The following TRPC5 variants were observed in gnomAD, a reference collection of about 807,000 sequenced individuals.
TRPC5 encodes the protein short transient receptor potential channel 5.
In TRPC5, 9 loss-of-function variants were observed where a neutral mutation model predicts 56.5. That is an observed-to-expected ratio of 0.16 (90% confidence interval 0.10 to 0.28). The LOEUF (loss-of-function observed/expected upper bound fraction) is 0.28. Among genes scored for constraint, TRPC5 ranks in the 10% least tolerant of loss-of-function variants. The pLI is 1.00. For missense variants in TRPC5, 469 were observed against 748.9 expected (o/e 0.63, Z 4.36); for synonymous variants, 282 against 278.5 (o/e 1.01, Z -0.13).
chrX:111,966,331 T>A (rs1927574945), intron 1 of TRPC5, among the ~76,000 whole-genome samples: 1 of 111,784 alleles, frequency 8.9e-6, no homozygotes, highest in Non-Finnish European at 1.9e-5. Flanking sequence ...ATTGTGGCAA[T>A]AATCAATAGC....
intron 1 of TRPC5, among the ~76,000 whole-genome samples, chrX:111,960,675 G>A (rs896578893): frequency 1.8e-5 from 2 of 111,737 alleles, no homozygotes; most frequent in Non-Finnish European, 3.8e-5. Flanking sequence ...CATCAGAAAT[G>A]AGCCTGTCCC....
At chrX:111,825,146 C>CCTTCCTTT (rs1922158948) in intron 7 of TRPC5, among the ~76,000 whole-genome samples, 9 of 59,387 alleles carry the variant, frequency 1.5e-4, no homozygotes, top group South Asian at 1.1e-3. Context: ...TTCCTTCCTT[C>CCTTCCTTT]CTTTCTTTCT....
intron 7 of TRPC5, among the ~76,000 whole-genome samples, chrX:111,823,709 G>T (rs1219829220): frequency 9.0e-6 from 1 of 110,697 alleles, no homozygotes; most frequent in South Asian, 3.9e-4. Flanking sequence ...GAAATAAGTC[G>T]CTTTGTGTCC....
chrX:111,923,526 C>A (rs1926179415), intron 2 of TRPC5, among the ~76,000 whole-genome samples: 1 of 111,795 alleles, frequency 8.9e-6, no homozygotes, highest in South Asian at 3.7e-4. Flanking sequence ...CATATATTTT[C>A]TTCATAAAAT....
chrX:111,898,278 GAC>G (rs1289193152), intron 3 of TRPC5, among the ~76,000 whole-genome samples: 12 of 85,409 alleles, frequency 1.4e-4, no homozygotes, highest in South Asian at 5.2e-4. Flanking sequence ...TATATATATA[GAC>G]ACACACGCGT....
intron 3 of TRPC5, among the ~76,000 whole-genome samples, chrX:111,897,133 G>T (rs1925104438): frequency 9.0e-6 from 1 of 110,872 alleles, no homozygotes; most frequent in Non-Finnish European, 1.9e-5. Context: ...TTTAGACTTG[G>T]GTCCCATTCC....
chrX:111,929,168 G>C (rs764819988), intron 2 of TRPC5, among the ~76,000 whole-genome samples: 3 of 112,290 alleles, frequency 2.7e-5, no homozygotes, highest in Admixed American at 1.9e-4. Flanking sequence ...GGGATTGCTT[G>C]TCTTTTGTTA....
At chrX:111,810,149 G>A (rs926378707) in intron 7 of TRPC5, among the ~76,000 whole-genome samples, 1 of 110,813 alleles carries the variant, frequency 9.0e-6, no homozygotes. Flanking sequence ...TCCTGACCTC[G>A]TGATCCGCCC....
intron 1 of TRPC5, among the ~76,000 whole-genome samples, chrX:112,022,476 G>C (rs1929297008): frequency 8.9e-6 from 1 of 112,064 alleles, no homozygotes; most frequent in South Asian, 3.7e-4. Flanking sequence ...TATCTCCAGA[G>C]CATAGAACAA....
chrX:111,873,588 G>A (rs747812147), intron 3 of TRPC5, among the ~76,000 whole-genome samples: 2 of 110,687 alleles, frequency 1.8e-5, no homozygotes, highest in African/African-American at 6.6e-5. Flanking sequence ...TTTGAGAGCA[G>A]CCTGGCCAAC....
intron 2 of TRPC5, among the ~76,000 whole-genome samples, chrX:111,921,225 T>G (rs762348266): frequency 9.0e-6 from 1 of 111,328 alleles, no homozygotes; most frequent in African/African-American, 3.3e-5. Context: ...GAAATGAAAC[T>G]TTCATTTTCA....
Position 111,843,937 on chromosome X carries a change from T to TGA in TRPC5, c.1700+3175_1700+3176dup, listed in dbSNP as rs1423979268. Reference sequence around the variant, plus strand: ...GTGTGTGTATGTGAGAGAGAGAGAATGAGAGAGAGACAGAGAGAGAAAGAG... The same window carrying TGA: ...GTGTGTGTATGTGAGAGAGAGAGAATGAGAGAGAGAGACAGAGAGAGAAAGAG... On this transcript the variant is annotated intron_variant, in intron 6 of 10. Transcript: ENST00000262839. 1.8e-3 allele frequency among the ~76,000 whole-genome samples: 161 copies of TGA among 87,621 alleles called. 1 individual carries two copies. Among genetic ancestry groups the TGA allele is most frequent in the African/African-American group, 6.7e-3 (149 of 22,252 alleles). 76.1% of individuals were successfully genotyped at this position (87,621 alleles called of 115,157 possible).
At chrX:111,820,207 C>T (rs958027853) in intron 7 of TRPC5, among the ~76,000 whole-genome samples, 1 of 111,629 alleles carries the variant, frequency 9.0e-6, no homozygotes, top group African/African-American at 3.2e-5. Flanking sequence ...CAGAGATATC[C>T]CCAACCTTTT....
chrX:111,935,416 G>C (rs1926539112), intron 2 of TRPC5, among the ~76,000 whole-genome samples: 2 of 111,389 alleles, frequency 1.8e-5, no homozygotes, highest in Admixed American at 9.5e-5. Flanking sequence ...TCATTCTGTA[G>C]GTTGCCTCTT....
intron 7 of TRPC5, among the ~76,000 whole-genome samples, chrX:111,811,831 A>G (rs760644624): frequency 1.8e-5 from 2 of 111,828 alleles, no homozygotes; most frequent in Non-Finnish European, 1.9e-5. Flanking sequence ...ACTTCTGAAC[A>G]TATAATACCA....
chrX:111,996,009 T>G (rs1273369354), intron 1 of TRPC5, among the ~76,000 whole-genome samples: 1 of 110,822 alleles, frequency 9.0e-6, no homozygotes, highest in Non-Finnish European at 1.9e-5. Context: ...TCTTAGTTAT[T>G]TCTTGCCTTC....
intron 1 of TRPC5, among the ~76,000 whole-genome samples, chrX:111,973,530 C>T (rs1927839363): frequency 9.0e-6 from 1 of 111,431 alleles, no homozygotes; most frequent in Non-Finnish European, 1.9e-5. Flanking sequence ...GAGCAGGGAG[C>T]ATGCACACAT....
In TRPC5 at chrX:111,931,484, A is replaced by G. The variant is rs779005658; in HGVS notation, c.379-18672T>C. ...GCTTAAGTAAATATGACGTATCTTC[A>G]TTTTGCTTGGGTAGACAAAGCTCAG... On this transcript the variant is annotated intron_variant, in intron 2 of 10. Coordinates refer to ENST00000262839, the MANE Select transcript of TRPC5 (RefSeq NM_012471.3). 1.8e-4 allele frequency among the ~76,000 whole-genome samples: 20 copies of G among 112,100 alleles called. 1 individual carries two copies. Among genetic ancestry groups the G allele is most frequent in the Middle Eastern group, 4.2e-3 (1 of 239 alleles).
chrX:111,907,569 G>T, intron 3 of TRPC5, among the ~76,000 whole-genome samples: 1 of 109,965 alleles, frequency 9.1e-6, no homozygotes, highest in East Asian at 2.8e-4. Context: ...AGGTTGCAGT[G>T]AGCCGAGATG....
Sources: allele counts gnomAD v4.1 joint callset (sites outside exome capture counted in the v4.1 genomes callset), GRCh38; gene constraint gnomAD v4.1.1; transcripts MANE v1.5; gene names NCBI Gene and HGNC (gene_info 2026-07-23, HGNC 2026-07-21).